Variants in DGKI observed in about 807,000 individuals in gnomAD.
DGKI encodes the protein diacylglycerol kinase iota.
A neutral mutation model predicts 147.5 loss-of-function variants in DGKI; 55 were observed. That is an observed-to-expected ratio of 0.37 (90% CI 0.30 to 0.47). DGKI has a LOEUF of 0.47. Among genes scored for constraint, DGKI ranks in the 20% least tolerant of loss-of-function variants. The pLI, the probability that DGKI is intolerant of heterozygous loss-of-function variation, is 1.00. For missense variants in DGKI, 1,007 were observed against 1,323.8 expected (o/e 0.76, Z 3.71); for synonymous variants, 469 against 477.1 (o/e 0.98, Z 0.22).
At chr7:137,591,297 T>C (rs1819601356) in intron 12 of DGKI, among the ~76,000 whole-genome samples, 1 of 152,194 alleles carries the variant, frequency 6.6e-6, no homozygotes, top group African/African-American at 2.4e-5. Context: ...TGTCATTGTC[T>C]CCTGAATATA....
At chr7:137,578,670 T>C (rs1563095002) in intron 15 of DGKI, among the ~76,000 whole-genome samples, 1 of 152,178 alleles carries the variant, frequency 6.6e-6, no homozygotes, top group Admixed American at 6.5e-5. Flanking sequence ...CAGGTGATTC[T>C]CAAGCACATT....
chr7:137,834,686 C>T (rs1287957725), intron 1 of DGKI, among the ~76,000 whole-genome samples: 1 of 152,184 alleles, frequency 6.6e-6, no homozygotes. Context: ...AAAGTTTGCT[C>T]CCTTAACAAC....
intron 23 of DGKI, among the ~76,000 whole-genome samples, chr7:137,472,593 T>C (rs1351790735): frequency 6.6e-6 from 1 of 150,804 alleles, no homozygotes; most frequent in East Asian, 1.9e-4. Flanking sequence ...ATGAGAATTA[T>C]GTGTAACATT....
chr7:137,417,998 G>C (rs1274981742), intron 28 of DGKI, among the ~76,000 whole-genome samples: 5 of 152,154 alleles, frequency 3.3e-5, no homozygotes, highest in Non-Finnish European at 7.3e-5. Flanking sequence ...CTAGCAGCAG[G>C]AACAGACTAA....
At chr7:137,628,951 T>A (rs140926553) in intron 6 of DGKI, among the ~76,000 whole-genome samples, 173 of 152,364 alleles carry the variant, frequency 1.1e-3, no homozygotes, top group African/African-American at 3.6e-3. Context: ...GTATTTAACT[T>A]TGTTTGGGGT....
chr7:137,408,114 T>C lies in DGKI; in HGVS notation c.2800-119A>G, dbSNP rs1464136626. 4.1e-6 allele frequency: 5 copies of C among 1,230,094 alleles called. No homozygotes were observed. In the South Asian group the frequency reaches 7.4e-5, roughly 18 times the overall value. 76.2% of individuals were successfully genotyped at this position (1,230,094 alleles called of 1,614,324 possible). On this transcript the variant is annotated intron_variant, in intron 29 of 32. Transcript: ENST00000614521. Reference sequence around the variant, plus strand: ...ACAATGTTTCCAGCCTTAGAGGACATAGAGAAAAGTCAAAAAGGTGAAGTA... The same window carrying C: ...ACAATGTTTCCAGCCTTAGAGGACACAGAGAAAAGTCAAAAAGGTGAAGTA...
At chr7:137,392,323 C>T (rs1811395896) in intron 32 of DGKI, among the ~76,000 whole-genome samples, 2 of 152,076 alleles carry the variant, frequency 1.3e-5, no homozygotes. Flanking sequence ...TTTTGAATGC[C>T]TGTATATATT....
chr7:137,682,909 C>A (rs1266983348), intron 2 of DGKI, among the ~76,000 whole-genome samples: 1 of 152,156 alleles, frequency 6.6e-6, no homozygotes, highest in African/African-American at 2.4e-5. Flanking sequence ...CCTGACTACC[C>A]AGCCAACCAC....
intron 1 of DGKI, among the ~76,000 whole-genome samples, chr7:137,801,736 G>A (rs570694782): frequency 6.6e-6 from 1 of 152,134 alleles, no homozygotes; most frequent in East Asian, 1.9e-4. Context: ...CACCCACTGG[G>A]GGTGAGAGCT....
rs561900354 is a variant in DGKI, at chr7:137,772,372, T to A, written c.401+74090A>T. 1.7e-3 allele frequency among the ~76,000 whole-genome samples: 261 copies of A among 152,284 alleles called. 2 individuals carry two copies. The highest frequency in any genetic ancestry group is 0.016 in the South Asian group (75 of 4,824). On this transcript the variant is annotated intron_variant, in intron 1 of 32. Transcript: ENST00000614521. ...CTGTGAATTCACATGTGAGAGCTAT[T>A]CGTGATTCACCCTGGAGCCCTGGGT...
intron 18 of DGKI, among the ~76,000 whole-genome samples, 157 bp downstream of exon 18, chr7:137,572,608 C>A (rs553129620): frequency 6.6e-6 from 1 of 152,198 alleles, no homozygotes; most frequent in South Asian, 2.1e-4. Context: ...CTAAATAAAC[C>A]AAATCGGAGA....
At chr7:137,540,860 CA>C (rs2128961207) in intron 20 of DGKI, among the ~76,000 whole-genome samples, 1 of 141,780 alleles carries the variant, frequency 7.1e-6, no homozygotes, top group South Asian at 2.3e-4. Flanking sequence ...AATCTTTATG[CA>C]AAAAACTACC....
At chr7:137,459,088 A>G (rs1168076847) in intron 27 of DGKI, among the ~76,000 whole-genome samples, 1 of 152,208 alleles carries the variant, frequency 6.6e-6, no homozygotes, top group African/African-American at 2.4e-5. Context: ...GTATGTGTAT[A>G]TCTTTCTTTA....
chr7:137,588,516 G>A (rs369251458), intron 12 of DGKI, among the ~76,000 whole-genome samples: 5 of 138,646 alleles, frequency 3.6e-5, no homozygotes, highest in East Asian at 2.1e-4. Flanking sequence ...TCAATCGGTC[G>A]TCCAGGCTGG....
chr7:137,759,076 G>A (rs1001181567), intron 1 of DGKI, among the ~76,000 whole-genome samples: 3 of 152,082 alleles, frequency 2.0e-5, no homozygotes, highest in Admixed American at 2.0e-4. Context: ...AGTGAACATT[G>A]TACCCAACAG....
In DGKI at chr7:137,727,030, C is replaced by T. The variant is rs73152519; in HGVS notation, c.402-37028G>A. ...TGTGTATATTGTATGTTAAGGATGCCGTTGTTTTCAAGATCTGCAAAAGAA... is the reference window on the plus strand; with the variant it reads ...TGTGTATATTGTATGTTAAGGATGCTGTTGTTTTCAAGATCTGCAAAAGAA... On this transcript the variant is annotated intron_variant, in intron 1 of 32. Transcript: ENST00000614521. Among the ~76,000 whole-genome samples, 1,144 of 151,766 alleles carry T rather than the reference C, an allele frequency of 7.5e-3. 5 individuals carry two copies. The highest frequency in any genetic ancestry group is 0.02 in the South Asian group (98 of 4,798).
intron 19 of DGKI, among the ~76,000 whole-genome samples, chr7:137,556,389 G>GA (rs923116616): frequency 2.0e-5 from 3 of 149,852 alleles, no homozygotes; most frequent in Admixed American, 6.6e-5. Context: ...AATAAAATTA[G>GA]AAAAAAAAAG....
chr7:137,503,583 T>C (rs1040278846), intron 21 of DGKI, among the ~76,000 whole-genome samples: 3 of 152,200 alleles, frequency 2.0e-5, no homozygotes, highest in African/African-American at 7.2e-5. Context: ...ATCAATTTGG[T>C]AGTTTTGCTA....
chr7:137,768,518 C>A (rs1796084286), intron 1 of DGKI, among the ~76,000 whole-genome samples: 1 of 152,136 alleles, frequency 6.6e-6, no homozygotes, highest in Non-Finnish European at 1.5e-5. Flanking sequence ...AAGCTAAGCA[C>A]CAATTCTGAG....
Sources: gnomAD v4.1 joint callset for allele counts (sites outside exome capture counted in the v4.1 genomes callset) on GRCh38, gnomAD v4.1.1 for gene constraint, MANE v1.5 for transcripts, NCBI Gene and HGNC (gene_info 2026-07-23, HGNC 2026-07-21) for gene names.